SDK1: variants seen among roughly 807,000 people sequenced by gnomAD.
SDK1 encodes sidekick cell adhesion molecule 1.
A neutral mutation model predicts 245.5 loss-of-function variants in SDK1; 157 were observed. The ratio of observed to expected loss-of-function variants is 0.64; its 90% CI spans 0.56 to 0.73. The LOEUF is 0.73. Among genes scored for constraint, SDK1 ranks in the 30% least tolerant of loss-of-function variants. SDK1 has a pLI of 0.00. For missense variants in SDK1, 3,583 were observed against 3,002.3 expected (o/e 1.19, Z -4.52); for synonymous variants, 1,647 against 1,278.5 (o/e 1.29, Z -6.15).
intron 4 of SDK1, among the ~76,000 whole-genome samples, chr7:3,683,780 C>G (rs1029138493): frequency 2.0e-5 from 3 of 152,186 alleles, no homozygotes; most frequent in African/African-American, 4.8e-5. Flanking sequence ...TTACACGGCA[C>G]ATGTCCTAAC....
chr7:3,939,423 C>T (rs978482222), intron 5 of SDK1, among the ~76,000 whole-genome samples: 1 of 152,258 alleles, frequency 6.6e-6, no homozygotes, highest in Non-Finnish European at 1.5e-5. Flanking sequence ...AGAAGGTGAA[C>T]GTGTGGAAGG....
chr7:3,852,254 C>T (rs948691425), intron 5 of SDK1, among the ~76,000 whole-genome samples: 71 of 150,962 alleles, frequency 4.7e-4, no homozygotes, highest in Middle Eastern at 3.4e-3. Flanking sequence ...GCTAATATTC[C>T]GTAGAAGTAT....
chr7:3,877,137 C>G (rs1407427113), intron 5 of SDK1, among the ~76,000 whole-genome samples: 2 of 152,160 alleles, frequency 1.3e-5, no homozygotes, highest in East Asian at 1.9e-4. Context: ...GGAACAGACC[C>G]CAATCCATTG....
At chr7:4,030,096 G>A (rs1299809713) in intron 17 of SDK1, among the ~76,000 whole-genome samples, 1 of 152,176 alleles carries the variant, frequency 6.6e-6, no homozygotes, top group Admixed American at 6.5e-5. Context: ...CTGGCTAGAT[G>A]CGCGTCAAGC....
chr7:4,110,170 A>G (rs2128190338), intron 22 of SDK1, among the ~76,000 whole-genome samples: 1 of 152,238 alleles, frequency 6.6e-6, no homozygotes, highest in South Asian at 2.1e-4. Flanking sequence ...TGGGCCAGCA[A>G]TGGTGTCTGT....
chr7:4,210,686 GA>G (rs1262752135), intron 38 of SDK1, among the ~76,000 whole-genome samples: 2 of 152,222 alleles, frequency 1.3e-5, no homozygotes, highest in Admixed American at 6.5e-5. Flanking sequence ...CTACATGCTG[GA>G]AAAGCCAAGA....
At chr7:3,861,423 A>C (rs1562497165) in intron 5 of SDK1, among the ~76,000 whole-genome samples, 1 of 152,132 alleles carries the variant, frequency 6.6e-6, no homozygotes, top group Non-Finnish European at 1.5e-5. Flanking sequence ...GGAGGGTAGT[A>C]ATCACTGTGC....
At chr7:3,879,865 A>G (rs1781163990) in intron 5 of SDK1, among the ~76,000 whole-genome samples, 1 of 152,182 alleles carries the variant, frequency 6.6e-6, no homozygotes, top group South Asian at 2.1e-4. Context: ...TGTCACAGCA[A>G]GCTGATGCAT....
chr7:4,230,039 A>AGAAGGAAGGAAG (rs55723679), intron 40 of SDK1, among the ~76,000 whole-genome samples: 1,981 of 66,592 alleles, frequency 0.03, 51 homozygotes, highest in African/African-American at 0.044. Context: ...AGGGGGACCC[A>AGAAGGAAGGAAG]GAAGGAAGGA....
chr7:3,872,374 C>T lies in SDK1; in HGVS notation c.847+50791C>T, dbSNP rs111282444. On this transcript the variant is annotated intron_variant, in intron 5 of 44. Coordinates refer to ENST00000404826, the MANE Select transcript of SDK1 (RefSeq NM_152744.4). ...AGATATCGTATAGAGTTGTTATGTT[C>T]GGAAGATTTAACTAGTGACACTGAG... Among the ~76,000 whole-genome samples the T allele has an allele frequency of 7.3e-3, 1,114 of 152,074 alleles. 16 individuals carry two copies. Among genetic ancestry groups the T allele is most frequent in the African/African-American group, 0.025 (1,018 of 41,528 alleles).
chr7:3,904,451 TG>T (rs1328638298), intron 5 of SDK1, among the ~76,000 whole-genome samples: 1 of 152,110 alleles, frequency 6.6e-6, no homozygotes, highest in Non-Finnish European at 1.5e-5. Context: ...TAATGCACTT[TG>T]GGAGGCTGAG....
intron 25 of SDK1, among the ~76,000 whole-genome samples, chr7:4,121,547 G>T (rs912984464): frequency 1.3e-5 from 2 of 152,178 alleles, no homozygotes; most frequent in African/African-American, 4.8e-5. Flanking sequence ...GGCCTCTCCA[G>T]CCATGTGTAA....
chr7:4,018,441 A>T (rs2128152642), intron 17 of SDK1, among the ~76,000 whole-genome samples: 1 of 152,344 alleles, frequency 6.6e-6, no homozygotes, highest in East Asian at 1.9e-4. Context: ...AGCGACTAGA[A>T]GAAATATTTA....
chr7:3,770,476 T>C (rs1179307142), intron 4 of SDK1, among the ~76,000 whole-genome samples: 1 of 152,224 alleles, frequency 6.6e-6, no homozygotes, highest in Admixed American at 6.5e-5. Flanking sequence ...CAGAGTATAG[T>C]TGCTGCGTTG....
intron 4 of SDK1, among the ~76,000 whole-genome samples, chr7:3,706,225 AT>A (rs936058251): frequency 3.3e-5 from 5 of 151,862 alleles, no homozygotes; most frequent in African/African-American, 1.2e-4. Flanking sequence ...CTGTAGTTTT[AT>A]TTTTTGTTGC....
chr7:3,505,863 T>G (rs1357354927), intron 1 of SDK1, among the ~76,000 whole-genome samples: 1 of 152,128 alleles, frequency 6.6e-6, no homozygotes, highest in African/African-American at 2.4e-5. Context: ...CTGGAACCAA[T>G]CCCCTTTGAA....
chr7:4,082,716 G>A (rs2128179924), intron 22 of SDK1, among the ~76,000 whole-genome samples: 1 of 152,074 alleles, frequency 6.6e-6, no homozygotes. Flanking sequence ...TGCCTCCTGG[G>A]CTCAAGCAAT....
At chr7:3,801,964 G>A (rs1779117486) in intron 4 of SDK1, among the ~76,000 whole-genome samples, 1 of 152,202 alleles carries the variant, frequency 6.6e-6, no homozygotes, top group Non-Finnish European at 1.5e-5. Flanking sequence ...CTGCTTTCAT[G>A]GATTGAGTAG....
rs1023100861 is a variant in SDK1, at chr7:3,886,512, A to C, written c.848-64411A>C. On this transcript the variant is annotated intron_variant, in intron 5 of 44. Coordinates refer to ENST00000404826, the MANE Select transcript of SDK1 (RefSeq NM_152744.4). Reference sequence around the variant, plus strand: ...TTTTGTGTTCTTTACTCTCTGAAAAATTCTGACAATACAAATATTTAACTT... The same window carrying C: ...TTTTGTGTTCTTTACTCTCTGAAAACTTCTGACAATACAAATATTTAACTT... 2.6e-5 allele frequency among the ~76,000 whole-genome samples: 4 copies of C among 152,212 alleles called. 1 individual carries two copies. In the South Asian group the frequency reaches 8.3e-4, roughly 32 times the overall value.
Sources: allele counts gnomAD v4.1 joint callset (sites outside exome capture counted in the v4.1 genomes callset), GRCh38; gene constraint gnomAD v4.1.1; transcripts MANE v1.5; gene names NCBI Gene and HGNC (gene_info 2026-07-23, HGNC 2026-07-21).